KIAA0825: variants seen among roughly 807,000 people sequenced by gnomAD.
KIAA0825 encodes the protein KIAA0825, also known as uncharacterized protein KIAA0825.
A neutral mutation model predicts 147.6 loss-of-function variants in KIAA0825; 119 were observed. The observed-to-expected ratio is 0.81, with a 90% CI of 0.69 to 0.94. The LOEUF is 0.94. Ranked by LOEUF, KIAA0825 falls within the 40% of genes least tolerant of loss-of-function variation. The probability of loss-of-function intolerance (pLI) is 0.00; values close to 1 mark genes in which losing one functional copy is unlikely to be tolerated. For synonymous variants in KIAA0825, 470 were observed against 518.1 expected (o/e 0.91, Z 1.26); for missense variants, 1,381 against 1,472.7 (o/e 0.94, Z 1.02).
chr5:94,327,558 A>C (rs1407183266), intron 20 of KIAA0825, among the ~76,000 whole-genome samples: 1 of 152,166 alleles, frequency 6.6e-6, no homozygotes, highest in Non-Finnish European at 1.5e-5. Flanking sequence ...ATTTATACCA[A>C]GTCCCGGTAA....
intron 13 of KIAA0825, among the ~76,000 whole-genome samples, chr5:94,444,275 T>C (rs965752354): frequency 2.0e-5 from 3 of 152,156 alleles, no homozygotes; most frequent in African/African-American, 7.2e-5. Context: ...AAACCTAAAG[T>C]TATAGCTGCC....
chr5:94,481,952 A>C (rs1405338691), intron 6 of KIAA0825, among the ~76,000 whole-genome samples: 2 of 152,048 alleles, frequency 1.3e-5, no homozygotes, highest in Admixed American at 1.3e-4. Flanking sequence ...TTGCCCAAAG[A>C]ACAACTTTAT....
intron 20 of KIAA0825, among the ~76,000 whole-genome samples, chr5:94,354,293 C>G (rs185530775): frequency 6.2e-4 from 95 of 152,298 alleles, no homozygotes; most frequent in African/African-American, 2.3e-3. Flanking sequence ...AATTTCTTGT[C>G]ATAACCTCCC....
intron 9 of KIAA0825, 28 bp downstream of exon 9, chr5:94,471,438 C>A (rs1432040880): frequency 6.5e-7 from 1 of 1,544,702 alleles, no homozygotes; most frequent in Non-Finnish European, 8.8e-7. Context: ...TTAAGCGTGG[C>A]CATCATCTTA....
chr5:94,395,783 C>T (rs1277676087), intron 17 of KIAA0825, among the ~76,000 whole-genome samples: 3 of 152,100 alleles, frequency 2.0e-5, no homozygotes, highest in African/African-American at 4.8e-5. Flanking sequence ...CCACTAGATA[C>T]CTGTTTGCAC....
At chr5:94,212,428 G>C (rs2150046741) in intron 20 of KIAA0825, among the ~76,000 whole-genome samples, 1 of 152,262 alleles carries the variant, frequency 6.6e-6, no homozygotes, top group South Asian at 2.1e-4. Flanking sequence ...ACTTCATCAA[G>C]AAACGTGAAG....
intron 5 of KIAA0825, chr5:94,519,110 T>G: frequency 1.7e-6 from 1 of 600,304 alleles, no homozygotes. Context: ...CATAACCGAA[T>G]TTGGCAGATG....
chr5:94,498,984 T>A (rs1352659721), intron 5 of KIAA0825, among the ~76,000 whole-genome samples: 1 of 152,222 alleles, frequency 6.6e-6, no homozygotes, highest in African/African-American at 2.4e-5. Flanking sequence ...AAGGTTTTTC[T>A]CCCCATATTG....
chr5:94,420,183 G>T (rs1753988763), intron 14 of KIAA0825, among the ~76,000 whole-genome samples: 1 of 152,024 alleles, frequency 6.6e-6, no homozygotes, highest in Non-Finnish European at 1.5e-5. Flanking sequence ...GATGGGAGAT[G>T]AAGCGAGGCA....
intron 12 of KIAA0825, among the ~76,000 whole-genome samples, chr5:94,458,752 TAAAA>T: frequency 6.8e-6 from 1 of 147,858 alleles, no homozygotes; most frequent in African/African-American, 2.5e-5. Flanking sequence ...ACCTTTTTTT[TAAAA>T]AAAAAAAATC....
At chr5:94,603,670 G>T (rs879834454) in intron 1 of KIAA0825, among the ~76,000 whole-genome samples, 1 of 152,202 alleles carries the variant, frequency 6.6e-6, no homozygotes, top group Non-Finnish European at 1.5e-5. Context: ...TATGCTGCCT[G>T]CAAGAAACCC....
At position 94,546,362 on chromosome 5, in the gene KIAA0825, T is replaced by C. The variant is rs141841089; in HGVS notation, c.-1-9235A>G. ...TGTTGTATAGAGATTCCTAGGGCCT[T>C]GAGTGAACATAGGTGATAACCAGTT... On this transcript the variant is annotated intron_variant, in intron 2 of 20. Transcript: ENST00000682413. Among the ~76,000 whole-genome samples the C allele has an allele frequency of 1.3e-3, 204 of 152,218 alleles. 4 individuals are homozygous for C. The South Asian group carries it at 0.034, about 25-fold the overall frequency.
intron 2 of KIAA0825, among the ~76,000 whole-genome samples, chr5:94,546,336 C>G (rs1774348848): frequency 6.6e-6 from 1 of 152,116 alleles, no homozygotes; most frequent in African/African-American, 2.4e-5. Flanking sequence ...GCTTCCCCAC[C>G]TGTTGTATAG....
chr5:94,475,423 A>G (rs1761758233), intron 7 of KIAA0825, among the ~76,000 whole-genome samples: 3 of 152,234 alleles, frequency 2.0e-5, no homozygotes, highest in Non-Finnish European at 4.4e-5. Context: ...ACCTTTGCCC[A>G]TGATAATATA....
chr5:94,346,813 G>A (rs1783050575), intron 20 of KIAA0825, among the ~76,000 whole-genome samples: 1 of 152,142 alleles, frequency 6.6e-6, no homozygotes, highest in South Asian at 2.1e-4. Context: ...AAGTCTCCTG[G>A]CCAGAACTTG....
At chr5:94,610,780 A>AAG (rs1311861417) in intron 1 of KIAA0825, among the ~76,000 whole-genome samples, 2 of 126,294 alleles carry the variant, frequency 1.6e-5, no homozygotes, top group Non-Finnish European at 3.3e-5. Flanking sequence ...AAAAAAAAAA[A>AAG]AAAAAAGTAT....
chr5:94,411,347 A>C (rs942021142), intron 15 of KIAA0825, among the ~76,000 whole-genome samples: 7 of 152,202 alleles, frequency 4.6e-5, no homozygotes, highest in African/African-American at 1.7e-4. Context: ...CTATAGTGCC[A>C]AGTATCAAAA....
chr5:94,152,856 T>TTATA lies in KIAA0825; in HGVS notation c.*1147_*1150dup, dbSNP rs1175360792. The TTATA allele has an allele frequency of 6.9e-3, 19 of 2,766 alleles. No individual in the cohort carries two copies. The highest frequency in any genetic ancestry group is 0.024 in the South Asian group (1 of 42). The allele number at this position is 2,766 out of a possible 1,614,324, so 0.2% of individuals were successfully genotyped here. A position where few individuals can be genotyped will look rare whatever the true frequency, so the allele number is the denominator to read the frequency against. ...AAAAAAAAAAAAAAAAAAAAAAAAA[T>TTATA]TATATATATATATATATATATATAT... On this transcript the variant is annotated 3_prime_UTR_variant, in exon 21 of 21. Coordinates refer to ENST00000682413, the MANE Select transcript of KIAA0825 (RefSeq NM_001145678.3).
chr5:94,379,334 A>T (rs981594067), intron 20 of KIAA0825, among the ~76,000 whole-genome samples: 2 of 152,138 alleles, frequency 1.3e-5, no homozygotes, highest in South Asian at 4.1e-4. Flanking sequence ...CTTGCCTGTT[A>T]TCTTAGCACC....
Sources: gnomAD v4.1 joint callset for allele counts (sites outside exome capture counted in the v4.1 genomes callset) on GRCh38, gnomAD v4.1.1 for gene constraint, MANE v1.5 for transcripts, NCBI Gene and HGNC (gene_info 2026-07-23, HGNC 2026-07-21) for gene names.